CSMD1: variants seen among roughly 807,000 people sequenced by gnomAD.
CSMD1 encodes CUB and Sushi multiple domains 1, also known as CUB and sushi domain-containing protein 1.
CSMD1 carries 213 observed loss-of-function variants against 417.5 expected under a neutral mutation model. The ratio of observed to expected loss-of-function variants is 0.51; its 90% CI spans 0.46 to 0.57. The LOEUF is 0.57. Among genes scored for constraint, CSMD1 ranks in the 20% least tolerant of loss-of-function variants. The probability of loss-of-function intolerance (pLI) is 0.00; values close to 1 mark genes in which losing one functional copy is unlikely to be tolerated. For synonymous variants in CSMD1, 2,862 were observed against 1,736.8 expected, an observed-to-expected ratio of 1.65 and a Z score of -16.11; for missense variants, 6,923 against 4,529.7, an observed-to-expected ratio of 1.53 and a Z score of -15.17.
At chr8:4,183,293 C>A (rs1433403676) in intron 3 of CSMD1, among the ~76,000 whole-genome samples, 1 of 152,124 alleles carries the variant, frequency 6.6e-6, no homozygotes, top group Admixed American at 6.5e-5. Context: ...ATTTACACTA[C>A]AGAATCAGCA....
chr8:3,381,887 G>A (rs148339349), intron 18 of CSMD1, among the ~76,000 whole-genome samples: 149 of 152,274 alleles, frequency 9.8e-4, no homozygotes, highest in African/African-American at 3.1e-3. Flanking sequence ...GTGTGTACCT[G>A]CAATTACATA....
At chr8:4,335,827 C>A (rs1800132493) in intron 3 of CSMD1, among the ~76,000 whole-genome samples, 1 of 151,918 alleles carries the variant, frequency 6.6e-6, no homozygotes, top group Non-Finnish European at 1.5e-5. Flanking sequence ...ATTACTCAGC[C>A]CAGGGGTTGA....
chr8:4,795,637 A>C (rs1043300453), intron 1 of CSMD1, among the ~76,000 whole-genome samples: 1 of 152,068 alleles, frequency 6.6e-6, no homozygotes, highest in African/African-American at 2.4e-5. Flanking sequence ...TTCCTCAGAA[A>C]GGAATTTCTA....
intron 3 of CSMD1, among the ~76,000 whole-genome samples, chr8:4,280,205 G>C (rs1286207706): frequency 6.6e-6 from 1 of 152,186 alleles, no homozygotes. Context: ...AGCAAGCATA[G>C]GCCAATCAAA....
intron 12 of CSMD1, among the ~76,000 whole-genome samples, chr8:3,431,556 T>C (rs1814219086): frequency 6.6e-6 from 1 of 152,188 alleles, no homozygotes; most frequent in Non-Finnish European, 1.5e-5. Context: ...ATCCCTTGTA[T>C]GAGAGTTAAA....
intron 7 of CSMD1, among the ~76,000 whole-genome samples, chr8:3,674,397 C>T (rs1289052718): frequency 6.6e-6 from 1 of 152,084 alleles, no homozygotes; most frequent in East Asian, 1.9e-4. Flanking sequence ...ATTTCCTAAG[C>T]ATTTCTCATT....
At position 3,932,957 on chromosome 8, in the gene CSMD1, T is replaced by C. The variant is rs190425967; in HGVS notation, c.818+64946A>G. 1.4e-4 allele frequency among the ~76,000 whole-genome samples: 21 copies of C among 150,506 alleles called. 1 individual carries two copies. The highest frequency in any genetic ancestry group is 4.9e-4 in the African/African-American group (20 of 40,918). ...CTTTTTTAAAAGTGTATGTGAATTT[T>C]TAAATTTTTTGCTTTCTAATATCCT... On this transcript the variant is annotated intron_variant, in intron 5 of 69. Transcript: ENST00000635120.
chr8:4,838,044 T>C (rs1189291706), intron 1 of CSMD1, among the ~76,000 whole-genome samples: 2 of 152,132 alleles, frequency 1.3e-5, no homozygotes, highest in African/African-American at 2.4e-5. Flanking sequence ...GGCAAGGCAG[T>C]GTGAATGGGT....
chr8:4,158,696 C>A (rs1330140535), intron 3 of CSMD1, among the ~76,000 whole-genome samples: 1 of 152,060 alleles, frequency 6.6e-6, no homozygotes, highest in African/African-American at 2.4e-5. Context: ...AGCAGCTATT[C>A]CTAAACCACC....
intron 7 of CSMD1, among the ~76,000 whole-genome samples, chr8:3,674,067 T>A (rs534221016): frequency 6.6e-6 from 1 of 152,024 alleles, no homozygotes; most frequent in African/African-American, 2.4e-5. Context: ...GATAATGTCA[T>A]TGCACTCCAG....
intron 3 of CSMD1, among the ~76,000 whole-genome samples, chr8:4,275,535 C>G (rs1255834008): frequency 6.6e-6 from 1 of 152,082 alleles, no homozygotes; most frequent in Non-Finnish European, 1.5e-5. Flanking sequence ...AACTGTTACA[C>G]ATTGGTGAAC....
chr8:3,933,453 A>G (rs1220656791), intron 5 of CSMD1, among the ~76,000 whole-genome samples: 2 of 152,062 alleles, frequency 1.3e-5, no homozygotes, highest in South Asian at 4.1e-4. Flanking sequence ...TTTCCCGCCT[A>G]CATCTTCACT....
At chr8:4,008,655 G>C (rs543055724) in intron 4 of CSMD1, among the ~76,000 whole-genome samples, 1 of 126,538 alleles carries the variant, frequency 7.9e-6, no homozygotes, top group Non-Finnish European at 1.6e-5. Flanking sequence ...CTGTCGCCCA[G>C]GCTGGAGTGC....
At chr8:4,751,043 G>A (rs1563290212) in intron 1 of CSMD1, among the ~76,000 whole-genome samples, 2 of 152,158 alleles carry the variant, frequency 1.3e-5, no homozygotes, top group African/African-American at 2.4e-5. Context: ...AATCTTTCAG[G>A]AGGTTCCTCA....
chr8:3,502,741 T>C (rs1055191898), intron 10 of CSMD1, among the ~76,000 whole-genome samples: 1 of 152,060 alleles, frequency 6.6e-6, no homozygotes, highest in African/African-American at 2.4e-5. Context: ...CACAGAGGAT[T>C]TTTAGGACAG....
At chr8:4,341,141 T>C (rs900296295) in intron 3 of CSMD1, among the ~76,000 whole-genome samples, 9 of 152,074 alleles carry the variant, frequency 5.9e-5, no homozygotes, top group African/African-American at 2.2e-4. Flanking sequence ...ACAAGGCCTA[T>C]CCAAGCATTT....
intron 3 of CSMD1, among the ~76,000 whole-genome samples, chr8:4,045,079 G>C (rs1009831988): frequency 6.6e-6 from 1 of 152,140 alleles, no homozygotes. Context: ...GTATGGTGTG[G>C]AGGCCACAGA....
chr8:3,402,009 T>G (rs1812067746), intron 15 of CSMD1, among the ~76,000 whole-genome samples: 1 of 152,118 alleles, frequency 6.6e-6, no homozygotes. Flanking sequence ...GATACTGTAT[T>G]TCTAAAATAC....
At position 4,219,669 on chromosome 8, in the gene CSMD1, G is replaced by A. The variant is rs115867464; in HGVS notation, c.416-187570C>T. Among the ~76,000 whole-genome samples the A allele has an allele frequency of 4.6e-5, 7 of 152,164 alleles. No individual in the cohort carries two copies. In the East Asian group the frequency reaches 9.7e-4, roughly 21 times the overall value. The stretch of plus-strand genomic sequence containing the variant: ...CACTAATGAAGAGTGAGATCATTTG[G>A]ATAATACTGCTACACAAGTCAAGAG... On this transcript the variant is annotated intron_variant, in intron 3 of 69. Coordinates refer to ENST00000635120, the MANE Select transcript of CSMD1 (RefSeq NM_033225.6).
Sources: gnomAD v4.1 joint callset for allele counts (sites outside exome capture counted in the v4.1 genomes callset) on GRCh38, gnomAD v4.1.1 for gene constraint, MANE v1.5 for transcripts, NCBI Gene and HGNC (gene_info 2026-07-23, HGNC 2026-07-21) for gene names.